ADGRG7: variants seen among roughly 807,000 people sequenced by gnomAD.
ADGRG7 encodes the protein adhesion G protein-coupled receptor G7, also known as G-protein coupled receptor 128.
Under a neutral mutation model 88.6 loss-of-function variants are expected in ADGRG7, and 82 were observed. The ratio of observed to expected loss-of-function variants is 0.93; its 90% CI spans 0.77 to 1.11. The LOEUF (loss-of-function observed/expected upper bound fraction) is 1.11. ADGRG7 is among the 50% of genes most tolerant of loss of function. ADGRG7 has a pLI of 0.00. For missense variants in ADGRG7, 945 were observed against 953.4 expected (o/e 0.99, Z 0.12); for synonymous variants, 381 against 345.2 (o/e 1.10, Z -1.15).
rs1192582751 is a variant in ADGRG7 at position 100,654,920 on chromosome 3, A to G, written c.1465A>G (p.Ile489Val). 1.2e-6 allele frequency: 2 copies of G among 1,614,046 alleles called. No homozygotes were observed. Among genetic ancestry groups the G allele is most frequent in the Non-Finnish European group, 1.7e-6 (2 of 1,179,902 alleles). ...LIFNLLFVFGIENSNKNLQTS... is the reference protein window; with the variant it reads ...LIFNLLFVFGVENSNKNLQTS... The stretch of plus-strand genomic sequence containing the variant: ...TTTCAACCTCCTCTTTGTGTTTGGA[A>G]TTGAAAACTCCAATAAGAACTTGCA... Residue 489 changes from isoleucine to valine, a missense_variant, in exon 12 of 16, where the codon ATT (isoleucine) becomes GTT (valine). Physicochemically the swap from Ile to Val is conservative, Grantham distance 29. Transcript: ENST00000273352.
chr3:100,688,018 TG>T (rs2094986067), intron 15 of ADGRG7, among the ~76,000 whole-genome samples: 1 of 152,158 alleles, frequency 6.6e-6, no homozygotes, highest in East Asian at 1.9e-4. Flanking sequence ...GGACTTTTTT[TG>T]GTTGGTAAGC....
intron 15 of ADGRG7, among the ~76,000 whole-genome samples, chr3:100,687,228 T>C (rs2094984316): frequency 6.6e-6 from 1 of 152,258 alleles, no homozygotes; most frequent in South Asian, 2.1e-4. Flanking sequence ...ATTGATTTTG[T>C]ATCCTGAGAC....
chr3:100,659,250 G>A (rs1388579235), intron 13 of ADGRG7, among the ~76,000 whole-genome samples: 2 of 151,636 alleles, frequency 1.3e-5, no homozygotes, highest in Non-Finnish European at 2.9e-5. Context: ...GGCTAACACG[G>A]TGAAACTCCG....
At chr3:100,682,913 C>T (rs1279994273) in intron 15 of ADGRG7, among the ~76,000 whole-genome samples, 1 of 152,162 alleles carries the variant, frequency 6.6e-6, no homozygotes, top group Non-Finnish European at 1.5e-5. Flanking sequence ...GGAAGACCCC[C>T]CTGCCTGGGT....
chr3:100,687,851 G>T (rs1314659345), intron 15 of ADGRG7, among the ~76,000 whole-genome samples: 2 of 152,050 alleles, frequency 1.3e-5, no homozygotes, highest in African/African-American at 4.8e-5. Flanking sequence ...TTTTTGTTGT[G>T]TCTCTGCCAG....
intron 15 of ADGRG7, among the ~76,000 whole-genome samples, chr3:100,684,622 G>C: frequency 6.6e-6 from 1 of 151,994 alleles, no homozygotes; most frequent in Non-Finnish European, 1.5e-5. Flanking sequence ...TTAAATAGTA[G>C]CTATTAAAAC....
chr3:100,611,947 A>C (rs1707160373), intron 1 of ADGRG7, among the ~76,000 whole-genome samples: 1 of 152,148 alleles, frequency 6.6e-6, no homozygotes. Context: ...TCCTTTATTC[A>C]GGTATAGACA....
chr3:100,684,667 T>A (rs1478953451), intron 15 of ADGRG7, among the ~76,000 whole-genome samples: 1 of 152,200 alleles, frequency 6.6e-6, no homozygotes, highest in Non-Finnish European at 1.5e-5. Context: ...TTAGTTTTTT[T>A]TCCCTATACG....
At chr3:100,613,014 C>G (rs60579395) in intron 1 of ADGRG7, among the ~76,000 whole-genome samples, 1 of 152,238 alleles carries the variant, frequency 6.6e-6, no homozygotes, top group East Asian at 1.9e-4. Context: ...CTCAGCCTCC[C>G]GAGTAGCTGG....
At chr3:100,637,060 G>A (rs1425958288) in intron 5 of ADGRG7, among the ~76,000 whole-genome samples, 1 of 152,146 alleles carries the variant, frequency 6.6e-6, no homozygotes, top group African/African-American at 2.4e-5. Flanking sequence ...CTATGAGGTC[G>A]AATTCAGGGA....
chr3:100,659,668 A>ATTTT lies in ADGRG7; in HGVS notation c.1824-13_1824-10dup, dbSNP rs561068825. The ATTTT allele has an allele frequency of 6.6e-7, 1 of 1,514,424 alleles. No individual in the cohort carries two copies. The highest frequency in any genetic ancestry group is 9.0e-7 in the Non-Finnish European group (1 of 1,110,132). 93.8% of individuals were successfully genotyped at this position (1,514,424 alleles called of 1,614,324 possible). A position where few individuals can be genotyped will look rare whatever the true frequency, so the allele number is the denominator to read the frequency against. ...ATACCTTTCTTAGTCTGCTGAAGCA[A>ATTTT]TTTTTTTTTTCCTCCACAGCTGCTG... On this transcript the variant is annotated intron_variant, in intron 13 of 15. Transcript: ENST00000273352.
chr3:100,661,391 TG>T (rs1394383874), intron 14 of ADGRG7, among the ~76,000 whole-genome samples: 2 of 152,216 alleles, frequency 1.3e-5, no homozygotes, highest in African/African-American at 4.8e-5. Context: ...CCATCTTTAG[TG>T]GGACTATATC....
intron 11 of ADGRG7, 125 bp from the exon 12 acceptor site, chr3:100,654,710 C>T: frequency 1.7e-6 from 1 of 599,920 alleles, no homozygotes; most frequent in Non-Finnish European, 2.9e-6. Context: ...GCTGTCACAA[C>T]TGGGCTATGA....
intron 1 of ADGRG7, among the ~76,000 whole-genome samples, chr3:100,618,443 A>G (rs1261456778): frequency 6.6e-6 from 1 of 152,208 alleles, no homozygotes; most frequent in Non-Finnish European, 1.5e-5. Context: ...TCGGCTAGCC[A>G]GTTTTCCCAG....
At chr3:100,634,044 T>G (rs1449045764) in intron 4 of ADGRG7, among the ~76,000 whole-genome samples, 1 of 152,178 alleles carries the variant, frequency 6.6e-6, no homozygotes, top group Non-Finnish European at 1.5e-5. Context: ...TCAAAGACCC[T>G]TGGAAACAGG....
chr3:100,672,178 C>T (rs1463562318), intron 15 of ADGRG7, among the ~76,000 whole-genome samples: 1 of 152,152 alleles, frequency 6.6e-6, no homozygotes, highest in Non-Finnish European at 1.5e-5. Flanking sequence ...TTAATTATTC[C>T]TATCCATGAG....
chr3:100,618,204 G>A (rs1246099908), intron 1 of ADGRG7, among the ~76,000 whole-genome samples: 8 of 152,154 alleles, frequency 5.3e-5, no homozygotes, highest in Non-Finnish European at 1.0e-4. Flanking sequence ...TTGCTGTGCA[G>A]AAGCTCTTTA....
At chr3:100,629,794 TTCAG>T in intron 2 of ADGRG7, 83 bp downstream of exon 2, 6 of 873,126 alleles carry the variant, frequency 6.9e-6, no homozygotes, top group Non-Finnish European at 1.1e-5. Flanking sequence ...TTCTAGAAGC[TTCAG>T]TTAATGGTTA....
At chr3:100,676,293 T>C (rs2094965230) in intron 15 of ADGRG7, among the ~76,000 whole-genome samples, 1 of 152,128 alleles carries the variant, frequency 6.6e-6, no homozygotes, top group African/African-American at 2.4e-5. Context: ...TTTTGGTATG[T>C]TGTGTTTCCA....
Sources: gnomAD v4.1 joint callset for allele counts (sites outside exome capture counted in the v4.1 genomes callset) on GRCh38, gnomAD v4.1.1 for gene constraint, MANE v1.5 for transcripts, NCBI Gene and HGNC (gene_info 2026-07-23, HGNC 2026-07-21) for gene names.